GALNTL6: variants seen among roughly 807,000 people sequenced by gnomAD.
The protein encoded by GALNTL6 is polypeptide N-acetylgalactosaminyltransferase-like 6.
In GALNTL6, 46 loss-of-function variants were observed where a neutral mutation model predicts 73.7. The ratio of observed to expected loss-of-function variants is 0.62; its 90% CI spans 0.49 to 0.80. GALNTL6 has a LOEUF of 0.80. GALNTL6 is among the 30% of genes least tolerant of loss of function. The probability of loss-of-function intolerance (pLI) is 0.00; values close to 1 mark genes in which losing one functional copy is unlikely to be tolerated. For missense variants in GALNTL6, 604 were observed against 755.0 expected (o/e 0.80, Z 2.34); for synonymous variants, 259 against 263.7 (o/e 0.98, Z 0.17).
chr4:172,349,945 G>A (rs1473558916), intron 5 of GALNTL6, among the ~76,000 whole-genome samples: 5 of 151,714 alleles, frequency 3.3e-5, no homozygotes, highest in Non-Finnish European at 2.9e-5. Context: ...TACCTAATAA[G>A]AGCCACTGTC....
At chr4:172,598,660 T>C (rs1737948865) in intron 5 of GALNTL6, among the ~76,000 whole-genome samples, 1 of 152,106 alleles carries the variant, frequency 6.6e-6, no homozygotes, top group Non-Finnish European at 1.5e-5. Context: ...TTTTAAATCA[T>C]GCAATTTTGG....
At chr4:172,702,459 G>T (rs1214126784) in intron 5 of GALNTL6, among the ~76,000 whole-genome samples, 1 of 151,960 alleles carries the variant, frequency 6.6e-6, no homozygotes, top group Admixed American at 6.6e-5. Flanking sequence ...GAATATGTTA[G>T]ATTTATTCCT....
intron 7 of GALNTL6, among the ~76,000 whole-genome samples, chr4:172,816,367 T>C (rs1033347788): frequency 3.3e-5 from 5 of 152,236 alleles, no homozygotes; most frequent in Admixed American, 2.6e-4. Context: ...ATAGCAGTGA[T>C]TATAGCAGTG....
chr4:172,313,425 ACCCCAACACTT>A lies in GALNTL6; in HGVS notation c.386+1675_386+1685del, dbSNP rs968044483. On this transcript the variant is annotated intron_variant, in intron 4 of 12. Transcript: ENST00000506823. ...GGCTGAGCCACCGTGCCCGGTCCCCACCCCAACACTTCTAATCTCAATCTCTTAATGTGTAT... is the reference window on the plus strand; with the variant it reads ...GGCTGAGCCACCGTGCCCGGTCCCCACTAATCTCAATCTCTTAATGTGTAT... 9.3e-4 allele frequency among the ~76,000 whole-genome samples: 141 copies of A among 152,108 alleles called. 1 individual carries two copies. Among genetic ancestry groups the A allele is most frequent in the African/African-American group, 3.3e-3 (136 of 41,516 alleles).
chr4:172,972,663 G>A (rs890739131), intron 10 of GALNTL6, among the ~76,000 whole-genome samples: 5 of 152,150 alleles, frequency 3.3e-5, no homozygotes, highest in African/African-American at 1.2e-4. Flanking sequence ...AGGAAAGGTA[G>A]ACGGTGGGCT....
rs190614466 is a variant in GALNTL6 at position 172,081,567 on chromosome 4, G to A, written c.139-148089G>A. Among the ~76,000 whole-genome samples the A allele has an allele frequency of 2.8e-3, 425 of 152,328 alleles. 5 individuals are homozygous for A. Among genetic ancestry groups the A allele is most frequent in the African/African-American group, 9.6e-3 (399 of 41,576 alleles). ...GCAGGATAATCACTTGAACCTGGGAGGCAGAGGTTGCAGTGAGCCGAGATT... is the reference window on the plus strand; with the variant it reads ...GCAGGATAATCACTTGAACCTGGGAAGCAGAGGTTGCAGTGAGCCGAGATT... On this transcript the variant is annotated intron_variant, in intron 2 of 12. Transcript: ENST00000506823.
In GALNTL6 at chr4:172,730,765, T is replaced by C. The variant is rs576990890; in HGVS notation, c.554-78596T>C. Among the ~76,000 whole-genome samples, 309 of 152,304 alleles carry C rather than the reference T, an allele frequency of 2.0e-3. 5 individuals carry two copies. In the Middle Eastern group the frequency reaches 0.024, roughly 12 times the overall value. ...GAATGACTTGGGAAGTATTCCCTCC[T>C]CTTCAAATTTTTGTAAGAGTTTGAA... On this transcript the variant is annotated intron_variant, in intron 5 of 12. Transcript: ENST00000506823.
Position 171,995,425 on chromosome 4 carries a change from A to T in GALNTL6, c.138+180707A>T, listed in dbSNP as rs564137044. Among the ~76,000 whole-genome samples the T allele has an allele frequency of 4.6e-5, 7 of 152,220 alleles. No homozygotes were observed. In the South Asian group the frequency reaches 1.2e-3, roughly 27 times the overall value. On this transcript the variant is annotated intron_variant, in intron 2 of 12. Transcript: ENST00000506823. ...TTGTTTATTTTACCGAAACTGAAGA[A>T]AACATATAATAAATTATTCTGTACA...
chr4:172,924,535 G>A (rs2111301236), intron 8 of GALNTL6, among the ~76,000 whole-genome samples: 1 of 152,330 alleles, frequency 6.6e-6, no homozygotes, highest in African/African-American at 2.4e-5. Context: ...AAATCTGGGG[G>A]CTCAGTGTGA....
At chr4:172,916,467 G>T (rs1747516654) in intron 8 of GALNTL6, among the ~76,000 whole-genome samples, 1 of 152,162 alleles carries the variant, frequency 6.6e-6, no homozygotes, top group African/African-American at 2.4e-5. Context: ...GTCTCTGTTT[G>T]CAGATGACAT....
At chr4:171,938,968 T>C (rs1013093188) in intron 2 of GALNTL6, among the ~76,000 whole-genome samples, 2 of 152,114 alleles carry the variant, frequency 1.3e-5, no homozygotes, top group Admixed American at 6.6e-5. Context: ...AAATAAATTA[T>C]TAGCATAGAA....
At chr4:172,539,374 T>G (rs553916257) in intron 5 of GALNTL6, among the ~76,000 whole-genome samples, 41 of 152,294 alleles carry the variant, frequency 2.7e-4, no homozygotes, top group African/African-American at 9.4e-4. Context: ...TAAAGTAAGG[T>G]GGAGCTGAAT....
intron 2 of GALNTL6, among the ~76,000 whole-genome samples, chr4:172,119,146 ATG>A (rs1426579869): frequency 6.6e-6 from 1 of 152,176 alleles, no homozygotes; most frequent in East Asian, 1.9e-4. Flanking sequence ...GCTAGAGAAA[ATG>A]TAATTTGCAA....
intron 5 of GALNTL6, chr4:172,668,910 G>A (rs1310626118): frequency 6.6e-6 from 1 of 152,028 alleles, no homozygotes; most frequent in Non-Finnish European, 1.5e-5. Flanking sequence ...CAGCTGGGAA[G>A]GTTGCAGTTC....
intron 2 of GALNTL6, among the ~76,000 whole-genome samples, chr4:171,885,620 A>T (rs1191641637): frequency 1.3e-5 from 2 of 152,108 alleles, no homozygotes; most frequent in Non-Finnish European, 2.9e-5. Context: ...AGTCTGGGAA[A>T]CACAGTGAGA....
chr4:172,064,429 T>C (rs1731298936), intron 2 of GALNTL6, among the ~76,000 whole-genome samples: 1 of 152,218 alleles, frequency 6.6e-6, no homozygotes, highest in East Asian at 1.9e-4. Context: ...TTTTCAAAAG[T>C]GTATTCTAGG....
intron 2 of GALNTL6, among the ~76,000 whole-genome samples, chr4:171,944,430 T>C (rs1211062498): frequency 6.6e-6 from 1 of 152,064 alleles, no homozygotes; most frequent in Non-Finnish European, 1.5e-5. Context: ...TCAGGTTTAC[T>C]TAGTTGACAC....
At chr4:172,382,235 C>T (rs1308914787) in intron 5 of GALNTL6, among the ~76,000 whole-genome samples, 2 of 151,210 alleles carry the variant, frequency 1.3e-5, no homozygotes, top group African/African-American at 2.4e-5. Flanking sequence ...TCCCAAAGTG[C>T]TGGGATTACA....
In GALNTL6 at chr4:172,574,905, C is replaced by T. The variant is rs184171559; in HGVS notation, c.553+226216C>T. The stretch of plus-strand genomic sequence containing the variant: ...TTAGAGAGGTGCTCACACATGCAAG[C>T]GTGCATGCATGCATGTGTATACACA... On this transcript the variant is annotated intron_variant, in intron 5 of 12. Transcript: ENST00000506823. 3.7e-4 allele frequency among the ~76,000 whole-genome samples: 55 copies of T among 148,054 alleles called. No homozygotes were observed. The South Asian group carries it at 8.5e-3, about 23-fold the overall frequency.
Sources: allele counts gnomAD v4.1 joint callset (sites outside exome capture counted in the v4.1 genomes callset), GRCh38; gene constraint gnomAD v4.1.1; transcripts MANE v1.5; gene names NCBI Gene and HGNC (gene_info 2026-07-23, HGNC 2026-07-21).